PCBP3: variants seen among roughly 807,000 people sequenced by gnomAD.
PCBP3 encodes poly(rC) binding protein 3, also known as poly(rC)-binding protein 3.
In PCBP3, 25 loss-of-function variants were observed where a neutral mutation model predicts 52.7. That is an observed-to-expected ratio of 0.47 (90% CI 0.35 to 0.66). The LOEUF (loss-of-function observed/expected upper bound fraction) is 0.66. Ranked by LOEUF, PCBP3 falls within the 30% of genes least tolerant of loss-of-function variation. The probability of loss-of-function intolerance (pLI) is 0.01; values close to 1 mark genes in which losing one functional copy is unlikely to be tolerated. For missense variants in PCBP3, 391 were observed against 490.3 expected, an observed-to-expected ratio of 0.80 and a Z score of 1.91; for synonymous variants, 162 against 183.0, an observed-to-expected ratio of 0.89 and a Z score of 0.93.
At chr21:45,700,124 G>A (rs1412972218) in intron 2 of PCBP3, among the ~76,000 whole-genome samples, 1 of 152,178 alleles carries the variant, frequency 6.6e-6, no homozygotes, top group African/African-American at 2.4e-5. Flanking sequence ...TGAGTCTGGT[G>A]GGAGGCTCTG....
intron 5 of PCBP3, among the ~76,000 whole-genome samples, chr21:45,865,542 C>T (rs952635155): frequency 2.6e-5 from 4 of 152,212 alleles, no homozygotes; most frequent in Admixed American, 2.0e-4. Context: ...CCGCCCCATC[C>T]GCCACTGAGT....
intron 4 of PCBP3, among the ~76,000 whole-genome samples, chr21:45,797,684 A>G (rs62214562): frequency 0.068 from 673 of 9,956 alleles, no homozygotes; most frequent in Middle Eastern, 0.2. Flanking sequence ...GTGAATGCAT[A>G]GATGGACGAG....
intron 4 of PCBP3, among the ~76,000 whole-genome samples, chr21:45,769,403 G>A (rs1439019701): frequency 2.0e-5 from 3 of 152,260 alleles, no homozygotes; most frequent in Non-Finnish European, 4.4e-5. Flanking sequence ...GGGTGCTCAC[G>A]CAGGGCTGTC....
rs192340206 is a variant in PCBP3 at position 45,655,943 on chromosome 21, A to G, written c.-279+12075A>G. Among the ~76,000 whole-genome samples, 13 of 152,372 alleles carry G rather than the reference A, an allele frequency of 8.5e-5. No homozygotes were observed. In the East Asian group the frequency reaches 2.3e-3, roughly 27 times the overall value. On this transcript the variant is annotated intron_variant, in intron 1 of 17. Coordinates refer to ENST00000681687, the MANE Select transcript of PCBP3 (RefSeq NM_001384156.1). ...AAATGCAAATGAAAACCACAATGAG[A>G]TACCGTCTCACACCAGTTTGAATGG...
At position 45,924,206 on chromosome 21, in the gene PCBP3, C is replaced by T. The variant is rs562199966; in HGVS notation, c.718-5711C>T. On this transcript the variant is annotated intron_variant, in intron 13 of 17. Transcript: ENST00000681687. ...TGGGTAGAAACAGCACACGTAAGGT[C>T]GGGTGTGCACGAGGAGATGTGAACA... Among the ~76,000 whole-genome samples, 10 of 115,180 alleles carry T rather than the reference C, an allele frequency of 8.7e-5. 1 individual carries two copies. The highest frequency in any genetic ancestry group is 3.0e-4 in the South Asian group (1 of 3,284). 75.6% of individuals were successfully genotyped at this position (115,180 alleles called of 152,430 possible). A position where few individuals can be genotyped will look rare whatever the true frequency, so the allele number is the denominator to read the frequency against.
chr21:45,671,218 A>C (rs1393021271), intron 2 of PCBP3, among the ~76,000 whole-genome samples: 1 of 152,226 alleles, frequency 6.6e-6, no homozygotes, highest in Non-Finnish European at 1.5e-5. Flanking sequence ...TATCTGCCTC[A>C]GTCCTTCGCC....
intron 5 of PCBP3, among the ~76,000 whole-genome samples, chr21:45,894,986 T>C (rs567210157): frequency 3.9e-5 from 6 of 152,362 alleles, no homozygotes; most frequent in African/African-American, 1.4e-4. Flanking sequence ...CTGAGTGTGT[T>C]GATGAAGTGA....
At chr21:45,867,099 C>G (rs938645397) in intron 5 of PCBP3, among the ~76,000 whole-genome samples, 1 of 152,220 alleles carries the variant, frequency 6.6e-6, no homozygotes, top group Admixed American at 6.5e-5. Flanking sequence ...TGCCACACAC[C>G]GAACGCAACG....
intron 2 of PCBP3, among the ~76,000 whole-genome samples, chr21:45,674,971 C>G (rs1222879446): frequency 6.6e-6 from 1 of 152,180 alleles, no homozygotes; most frequent in African/African-American, 2.4e-5. Context: ...TTCTATTTCT[C>G]TTGCTCTGGA....
intron 4 of PCBP3, among the ~76,000 whole-genome samples, chr21:45,792,590 GCAA>G (rs2091680011): frequency 6.6e-6 from 1 of 152,228 alleles, no homozygotes; most frequent in African/African-American, 2.4e-5. Flanking sequence ...TGAAACAGCA[GCAA>G]CAACAGAAAT....
chr21:45,698,802 A>G (rs563295446), intron 2 of PCBP3, among the ~76,000 whole-genome samples: 2 of 152,300 alleles, frequency 1.3e-5, no homozygotes, highest in African/African-American at 4.8e-5. Flanking sequence ...GCCCTTCTTC[A>G]TTTTGATGCA....
At chr21:45,941,231 C>G (rs2077436666) in intron 17 of PCBP3, among the ~76,000 whole-genome samples, 1 of 152,206 alleles carries the variant, frequency 6.6e-6, no homozygotes, top group Non-Finnish European at 1.5e-5. Flanking sequence ...TGGGGCTTGT[C>G]AGGGAGGTTC....
intron 2 of PCBP3, among the ~76,000 whole-genome samples, chr21:45,693,876 A>G (rs1350829168): frequency 6.6e-6 from 1 of 152,140 alleles, no homozygotes; most frequent in African/African-American, 2.4e-5. Flanking sequence ...AAATATATGA[A>G]CAAATATTTT....
intron 4 of PCBP3, among the ~76,000 whole-genome samples, chr21:45,815,900 A>AG (rs2092923957): frequency 1.1e-5 from 1 of 94,818 alleles, no homozygotes. Context: ...GTGATGAGTG[A>AG]TGGGTGAGTG....
Position 45,775,286 on chromosome 21 carries a change from T to A in PCBP3, c.-126+19834T>A, listed in dbSNP as rs374186844. Among the ~76,000 whole-genome samples, 4 of 150,326 alleles carry A rather than the reference T, an allele frequency of 2.7e-5. No individual in the cohort carries two copies. The East Asian group carries it at 7.8e-4, about 29-fold the overall frequency. The stretch of plus-strand genomic sequence containing the variant: ...TATCCATTTCTTCCAGGTTTTCTAG[T>A]TTGTGAGTATATAGCTTTTTTTTTT... On this transcript the variant is annotated intron_variant, in intron 4 of 17. Transcript: ENST00000681687.
At chr21:45,784,961 A>C in intron 4 of PCBP3, among the ~76,000 whole-genome samples, 2 of 134,176 alleles carry the variant, frequency 1.5e-5, no homozygotes, top group Admixed American at 7.6e-5. Flanking sequence ...CTGGCTGCCC[A>C]GTCTGGAAAG....
At chr21:45,872,934 A>G (rs1230366048) in intron 5 of PCBP3, 2 of 152,190 alleles carry the variant, frequency 1.3e-5, no homozygotes, top group East Asian at 1.9e-4. Flanking sequence ...GCATTTGTTC[A>G]TATTTGATTT....
At chr21:45,772,716 C>T (rs1452144456) in intron 4 of PCBP3, among the ~76,000 whole-genome samples, 1 of 152,148 alleles carries the variant, frequency 6.6e-6, no homozygotes, top group East Asian at 1.9e-4. Context: ...CCTGCATCCT[C>T]ACCAACACCT....
intron 16 of PCBP3, among the ~76,000 whole-genome samples, chr21:45,937,686 G>T (rs2077021272): frequency 6.6e-6 from 1 of 152,244 alleles, no homozygotes; most frequent in Non-Finnish European, 1.5e-5. Flanking sequence ...TCTGCTAACT[G>T]CTGGCAGGGT....
Sources: gnomAD v4.1 joint callset for allele counts (sites outside exome capture counted in the v4.1 genomes callset) on GRCh38, gnomAD v4.1.1 for gene constraint, MANE v1.5 for transcripts, NCBI Gene and HGNC (gene_info 2026-07-23, HGNC 2026-07-21) for gene names.